Variants in NEMP2 observed in about 807,000 individuals in gnomAD.
NEMP2 encodes nuclear envelope integral membrane protein 2, also known as UPF0571 transmembrane protein.
In NEMP2, 53 loss-of-function variants were observed where a neutral mutation model predicts 54.2. That is an observed-to-expected ratio of 0.98 (90% CI 0.78 to 1.23). The LOEUF is 1.23. Ranked by LOEUF, NEMP2 falls within the 50% of genes most tolerant of loss-of-function variation. The probability of loss-of-function intolerance (pLI) is 0.00; values close to 1 mark genes in which losing one functional copy is unlikely to be tolerated. For synonymous variants in NEMP2, 197 were observed against 190.3 expected (o/e 1.04, Z -0.29); for missense variants, 455 against 511.3 (o/e 0.89, Z 1.06).
At chr2:190,534,454 T>C in intron 1 of NEMP2, 105 bp downstream of exon 1, 1 of 1,239,580 alleles carries the variant, frequency 8.1e-7, no homozygotes, top group South Asian at 3.3e-5. Flanking sequence ...CCCGCCCCAG[T>C]GGGCCTCGCG....
In NEMP2 at chr2:190,512,155, G is replaced by A. The variant is rs564817748; in HGVS notation, c.954-1618C>T. On this transcript the variant is annotated intron_variant, in intron 7 of 8. Transcript: ENST00000409150. The surrounding 1 kb of genome is among the most constrained non-coding windows in gnomAD (Gnocchi z 4.5). ...CCCTGGATGCTAAGCCAGAAGACCT[G>A]GACATAGTCCTGGCTTTGAGATTTA... 7.7e-4 allele frequency among the ~76,000 whole-genome samples: 117 copies of A among 152,120 alleles called. 1 individual carries two copies. The highest frequency in any genetic ancestry group is 1.2e-3 in the Admixed American group (18 of 15,286).
the NEMP2 span, among the ~76,000 whole-genome samples, chr2:190,452,026 G>GTAC: frequency 1.3e-5 from 2 of 151,160 alleles, no homozygotes; most frequent in African/African-American, 4.9e-5. Context: ...GATGATTCAT[G>GTAC]TACTATCTTT....
chr2:190,552,214 C>G, the NEMP2 span, among the ~76,000 whole-genome samples: 20 of 152,270 alleles, frequency 1.3e-4, no homozygotes, highest in South Asian at 2.3e-3. Flanking sequence ...TTGCTTCCCC[C>G]CTTGCTTCCT....
At position 190,507,556 on chromosome 2, in the gene NEMP2, T is replaced by C. The variant is rs1690221914; in HGVS notation, c.*1633A>G. ...TAAGAAAAATATTCAAACTTCTATTTACTCATAAAATAGTTACCATAAATC... is the reference window on the plus strand; with the variant it reads ...TAAGAAAAATATTCAAACTTCTATTCACTCATAAAATAGTTACCATAAATC... On this transcript the variant is annotated 3_prime_UTR_variant, in exon 9 of 9. Coordinates refer to ENST00000409150, the MANE Select transcript of NEMP2 (RefSeq NM_001142645.2). This position sits in a 1 kb window ranked among gnomAD's most constrained non-coding sequence, Gnocchi z 4.4. 2 of 152,178 alleles carry C rather than the reference T, an allele frequency of 1.3e-5. No homozygotes were observed. The highest frequency in any genetic ancestry group is 4.1e-4 in the South Asian group (2 of 4,828). The allele number at this position is 152,178 out of a possible 1,614,324, so 9.4% of individuals were successfully genotyped here.
the NEMP2 span, chr2:190,436,156 T>C: frequency 6.2e-7 from 1 of 1,614,200 alleles, no homozygotes. The surrounding 1 kb of genome is among the most constrained non-coding windows in gnomAD (Gnocchi z 5.3). Flanking sequence ...AACACCTTCC[T>C]CCACAGAAAC....
At chr2:190,437,369 A>G in the NEMP2 span, 1 of 1,614,260 alleles carries the variant, frequency 6.2e-7, no homozygotes. The surrounding 1 kb of genome is among the most constrained non-coding windows in gnomAD (Gnocchi z 5.9). Context: ...AGCGTGCAGT[A>G]TGGCTCAGTG....
chr2:190,540,545 C>T, the NEMP2 span, among the ~76,000 whole-genome samples: 5 of 152,284 alleles, frequency 3.3e-5, no homozygotes, highest in East Asian at 7.7e-4. Context: ...CCTGCCTTGG[C>T]CTCCCAACTT....
At chr2:190,564,190 A>G in the NEMP2 span, among the ~76,000 whole-genome samples, 1 of 152,388 alleles carries the variant, frequency 6.6e-6, no homozygotes, top group Non-Finnish European at 1.5e-5. The surrounding 1 kb of genome is among the most constrained non-coding windows in gnomAD (Gnocchi z 4.2). Flanking sequence ...AAATATGTGT[A>G]TAATAGTGGA....
chr2:190,424,706 T>C, the NEMP2 span, among the ~76,000 whole-genome samples: 87 of 152,328 alleles, frequency 5.7e-4, 1 homozygote, highest in East Asian at 0.013. The surrounding 1 kb of genome is among the most constrained non-coding windows in gnomAD (Gnocchi z 5.9). Context: ...CTTTCCACCA[T>C]TGAATTTTTT....
the NEMP2 span, among the ~76,000 whole-genome samples, chr2:190,445,234 TGGAGTCAG>T: frequency 1.6e-3 from 251 of 152,280 alleles, no homozygotes; most frequent in Non-Finnish European, 2.8e-3. Flanking sequence ...GCACTCAGAA[TGGAGTCAG>T]GCAGATAGCA....
At chr2:190,619,186 C>T in the NEMP2 span, among the ~76,000 whole-genome samples, 2 of 152,020 alleles carry the variant, frequency 1.3e-5, no homozygotes, top group African/African-American at 4.8e-5. This position sits in a 1 kb window ranked among gnomAD's most constrained non-coding sequence, Gnocchi z 5.5. Context: ...TGAGACCAGC[C>T]TGGACAACAT....
At chr2:190,423,968 T>C in the NEMP2 span, among the ~76,000 whole-genome samples, 69,566 of 152,066 alleles carry the variant, frequency 0.46, 16,348 homozygotes, top group Admixed American at 0.61. This position sits in a 1 kb window ranked among gnomAD's most constrained non-coding sequence, Gnocchi z 4.3. Context: ...CCCTTCACGT[T>C]TTTTGTCCAT....
At chr2:190,580,375 T>C in the NEMP2 span, among the ~76,000 whole-genome samples, 1 of 152,196 alleles carries the variant, frequency 6.6e-6, no homozygotes, top group African/African-American at 2.4e-5. The surrounding 1 kb of genome is among the most constrained non-coding windows in gnomAD (Gnocchi z 5.3). Flanking sequence ...GACTGGAGTC[T>C]CCTTAGGGTG....
the NEMP2 span, among the ~76,000 whole-genome samples, chr2:190,455,000 AATGTAT>A: frequency 3.9e-4 from 18 of 46,598 alleles, no homozygotes; most frequent in African/African-American, 1.0e-3. This position sits in a 1 kb window ranked among gnomAD's most constrained non-coding sequence, Gnocchi z 4.6. Context: ...GTATATGTAT[AATGTAT>A]ATGTATATGT....
At chr2:190,430,271 C>G in the NEMP2 span, among the ~76,000 whole-genome samples, 1 of 147,104 alleles carries the variant, frequency 6.8e-6, no homozygotes, top group Non-Finnish European at 1.5e-5. Flanking sequence ...TTGGCAGGGT[C>G]ATAGGATAGT....
the NEMP2 span, chr2:190,437,319 G>T: frequency 8.1e-6 from 13 of 1,614,220 alleles, no homozygotes; most frequent in East Asian, 2.5e-4. This position sits in a 1 kb window ranked among gnomAD's most constrained non-coding sequence, Gnocchi z 5.9. Flanking sequence ...CAAGCCACTC[G>T]CAGGCCTTCA....
chr2:190,585,057 G>T, the NEMP2 span, among the ~76,000 whole-genome samples: 1 of 152,172 alleles, frequency 6.6e-6, no homozygotes, highest in South Asian at 2.1e-4. This position sits in a 1 kb window ranked among gnomAD's most constrained non-coding sequence, Gnocchi z 5.3. Flanking sequence ...CCAGAGATTT[G>T]CTGTGTTCAG....
At chr2:190,477,308 T>C in the NEMP2 span, 1 of 984,958 alleles carries the variant, frequency 1.0e-6, no homozygotes, top group Non-Finnish European at 1.2e-6. Flanking sequence ...TGGTTCCTGT[T>C]CTATCCTGAC....
rs1298346956 is a variant in NEMP2, at chr2:190,520,446, G to C, written c.214-1263C>G. On this transcript the variant is annotated intron_variant, in intron 2 of 8. Transcript: ENST00000409150. The surrounding 1 kb of genome is among the most constrained non-coding windows in gnomAD (Gnocchi z 5.4). ...TTCTCTATTCCTCTTCTTTTTCTAAGAGTAGGGCAACCCTGAAAAGGGGAG... is the reference window on the plus strand; with the variant it reads ...TTCTCTATTCCTCTTCTTTTTCTAACAGTAGGGCAACCCTGAAAAGGGGAG... Among the ~76,000 whole-genome samples, 3 of 152,130 alleles carry C rather than the reference G, an allele frequency of 2.0e-5. No homozygotes were observed. The highest frequency in any genetic ancestry group is 4.4e-5 in the Non-Finnish European group (3 of 68,030).
Sources: allele counts gnomAD v4.1 joint callset (sites outside exome capture counted in the v4.1 genomes callset), GRCh38; gene constraint gnomAD v4.1.1; non-coding constraint Gnocchi (gnomAD v3.1); transcripts MANE v1.5; gene names NCBI Gene and HGNC (gene_info 2026-07-23, HGNC 2026-07-21).